NDEL1: variants seen among roughly 807,000 people sequenced by gnomAD.
NDEL1 encodes the protein nuclear distribution protein nudE-like 1.
In NDEL1, 9 loss-of-function variants were observed where a neutral mutation model predicts 45.7. That is an observed-to-expected ratio of 0.20 (90% CI 0.12 to 0.34). The LOEUF is 0.34. NDEL1 is among the 10% of genes least tolerant of loss of function. NDEL1 has a pLI of 1.00. For missense variants in NDEL1, 306 were observed against 406.2 expected (o/e 0.75, Z 2.12); for synonymous variants, 133 against 158.6 (o/e 0.84, Z 1.21).
intron 7 of NDEL1, among the ~76,000 whole-genome samples, chr17:8,458,901 A>AT (rs1200456440): frequency 6.6e-6 from 1 of 151,376 alleles, no homozygotes; most frequent in African/African-American, 2.4e-5. Flanking sequence ...TAATTTTTTT[A>AT]TTTTTTCTTT....
chr17:8,445,743 T>C lies in NDEL1; in HGVS notation c.119T>C (p.Phe40Ser). 1 of 1,597,104 alleles carries C rather than the reference T, an allele frequency of 6.3e-7. No homozygotes were observed. Among genetic ancestry groups the C allele is most frequent in the Non-Finnish European group, 8.5e-7 (1 of 1,174,008 alleles). Reference sequence around the variant, plus strand: ...GAAGCTCGGGATGAGCTAGTTGAATTCCAGGAAGGAAGCAGAGAATTAGAA... The same window carrying C: ...GAAGCTCGGGATGAGCTAGTTGAATCCCAGGAAGGAAGCAGAGAATTAGAA... ...FQEARDELVE[F>S]QEGSRELEAE... The change falls in exon 3 of 9, where the codon TTC (phenylalanine) becomes TCC (serine). Residue 40 changes from phenylalanine to serine, a missense_variant. Coordinates refer to ENST00000334527, the MANE Select transcript of NDEL1 (RefSeq NM_030808.5).
At chr17:8,461,795 C>T (rs984816354) in intron 8 of NDEL1, among the ~76,000 whole-genome samples, 3 of 152,126 alleles carry the variant, frequency 2.0e-5, no homozygotes, top group African/African-American at 7.2e-5. Context: ...TTATAATGAT[C>T]CTCTACTAGA....
intron 3 of NDEL1, chr17:8,474,187 A>AGAAG (rs1361885787): frequency 1.3e-5 from 2 of 152,706 alleles, no homozygotes; most frequent in Non-Finnish European, 2.9e-5. Context: ...AATCGAGAAC[A>AGAAG]GAAGGTGAGA....
downstream of NDEL1, among the ~76,000 whole-genome samples, chr17:8,468,733 A>C (rs58528580): frequency 3.0e-3 from 464 of 152,352 alleles, 5 homozygotes; most frequent in African/African-American, 0.011. Flanking sequence ...AGTAACTGAA[A>C]ACGATGTGAA....
chr17:8,473,979 TGC>T (rs942248557), intron 3 of NDEL1, among the ~76,000 whole-genome samples: 22 of 152,248 alleles, frequency 1.4e-4, no homozygotes, highest in Non-Finnish European at 2.8e-4. Flanking sequence ...GGCCAGCTCC[TGC>T]CTTTGGGTGG....
intron 1 of NDEL1, among the ~76,000 whole-genome samples, chr17:8,416,784 C>G (rs997796785): frequency 1.3e-5 from 2 of 152,116 alleles, no homozygotes; most frequent in Non-Finnish European, 2.9e-5. Context: ...TTCTGAAACT[C>G]CTATTATTTG....
chr17:8,428,962 C>G (rs190589), intron 1 of NDEL1, among the ~76,000 whole-genome samples: 3 of 152,184 alleles, frequency 2.0e-5, no homozygotes, highest in Non-Finnish European at 4.4e-5. Flanking sequence ...CATGAGCCAC[C>G]GCGCCCGGCC....
intron 1 of NDEL1, among the ~76,000 whole-genome samples, chr17:8,427,341 G>A (rs1022527525): frequency 1.3e-5 from 2 of 152,170 alleles, no homozygotes; most frequent in African/African-American, 2.4e-5. Flanking sequence ...TTTGTGGCTG[G>A]CTGGGTCAGG....
chr17:8,413,235 G>C (rs1908465015), exon 1 of NDEL1: 1 of 152,398 alleles, frequency 6.6e-6, no homozygotes, highest in African/African-American at 2.4e-5. Flanking sequence ...TGCTGCCGTG[G>C]ATCTGATCAG....
chr17:8,428,921 C>T (rs896075951), intron 1 of NDEL1, among the ~76,000 whole-genome samples: 1 of 152,172 alleles, frequency 6.6e-6, no homozygotes, highest in Admixed American at 6.5e-5. Flanking sequence ...GATCTGCCTG[C>T]CTTGGCCTCC....
intron 1 of NDEL1, among the ~76,000 whole-genome samples, chr17:8,415,370 G>A (rs1035215541): frequency 1.3e-5 from 2 of 151,324 alleles, no homozygotes; most frequent in African/African-American, 4.9e-5. Flanking sequence ...TTAGAGACGA[G>A]GTTTTGCCAC....
At chr17:8,474,123 C>T (rs992783462) in intron 3 of NDEL1, 1 of 152,592 alleles carries the variant, frequency 6.6e-6, no homozygotes, top group African/African-American at 2.4e-5. Flanking sequence ...GGCCTGGCGC[C>T]ATCATTTGAA....
Position 8,445,874 on chromosome 17 carries a change from G to A in NDEL1, c.240+10G>A, listed in dbSNP as rs768097240. 13 of 1,495,702 alleles carry A rather than the reference G, an allele frequency of 8.7e-6. No homozygotes were observed. The highest frequency in any genetic ancestry group is 1.5e-5 in the African/African-American group (1 of 68,880). The allele number at this position is 1,495,702 out of a possible 1,614,324, so 92.7% of individuals were successfully genotyped here. ...AGTGGAGGCATTAAAGGTAATTGCA[G>A]CAGTAGACGCTGGGGTCTAATGTGT... On this transcript the variant is annotated intron_variant, in intron 3 of 8. Coordinates refer to ENST00000334527, the MANE Select transcript of NDEL1 (RefSeq NM_030808.5).
intron 6 of NDEL1, among the ~76,000 whole-genome samples, chr17:8,452,740 C>CTTTTTTTTTTTTTTTTTTTTCTT: frequency 2.1e-5 from 2 of 95,628 alleles, no homozygotes; most frequent in African/African-American, 4.1e-5. Context: ...TTTTTCTTCT[C>CTTTTTTTTTTTTTTTTTTTTCTT]TTTTTTTTTT....
At chr17:8,441,759 T>G (rs1567729115) in intron 1 of NDEL1, among the ~76,000 whole-genome samples, 1 of 152,210 alleles carries the variant, frequency 6.6e-6, no homozygotes, top group Admixed American at 6.5e-5. Context: ...ATGGGCCTGA[T>G]GGACTAGGCT....
At chr17:8,426,951 G>T (rs1026331141) in intron 1 of NDEL1, among the ~76,000 whole-genome samples, 1 of 152,188 alleles carries the variant, frequency 6.6e-6, no homozygotes, top group Non-Finnish European at 1.5e-5. Flanking sequence ...TTTTCTAAAA[G>T]CCACCTTCCA....
intron 5 of NDEL1, among the ~76,000 whole-genome samples, 153 bp from the exon 6 acceptor site, chr17:8,450,627 C>G (rs1209951246): frequency 6.6e-6 from 1 of 151,934 alleles, no homozygotes; most frequent in Non-Finnish European, 1.5e-5. Flanking sequence ...ATTTTTATTC[C>G]CCTAGAAATG....
intron 1 of NDEL1, among the ~76,000 whole-genome samples, chr17:8,420,558 T>G (rs748199657): frequency 6.6e-6 from 1 of 152,210 alleles, no homozygotes; most frequent in Non-Finnish European, 1.5e-5. Context: ...GCCACTGACC[T>G]CCATTCTCAG....
intron 1 of NDEL1, among the ~76,000 whole-genome samples, chr17:8,426,350 T>TC (rs1269187443): frequency 6.6e-6 from 1 of 152,202 alleles, no homozygotes; most frequent in African/African-American, 2.4e-5. Flanking sequence ...TAAGAAACAC[T>TC]CCATTTCTTT....
Sources: gnomAD v4.1 joint callset for allele counts (sites outside exome capture counted in the v4.1 genomes callset) on GRCh38, gnomAD v4.1.1 for gene constraint, MANE v1.5 for transcripts, NCBI Gene and HGNC (gene_info 2026-07-23, HGNC 2026-07-21) for gene names.